ACACA: variants seen among roughly 807,000 people sequenced by gnomAD.
ACACA encodes acetyl-CoA carboxylase alpha.
In ACACA, 103 loss-of-function variants were observed where a neutral mutation model predicts 296.1. The ratio of observed to expected loss-of-function variants is 0.35; its 90% CI spans 0.30 to 0.41. The LOEUF (loss-of-function observed/expected upper bound fraction) is 0.41, where lower values mean the gene tolerates loss of function less well. Among genes scored for constraint, ACACA ranks in the 10% least tolerant of loss-of-function variants. ACACA has a pLI of 1.00. For synonymous variants in ACACA, 953 were observed against 1,038.6 expected, an observed-to-expected ratio of 0.92 and a Z score of 1.58; for missense variants, 1,554 against 2,989.7, an observed-to-expected ratio of 0.52 and a Z score of 11.20.
At chr17:37,190,992 C>G (rs771782952) in intron 38 of ACACA, 128 bp downstream of exon 38, 128 of 1,154,070 alleles carry the variant, frequency 1.1e-4, no homozygotes, top group South Asian at 3.3e-4. Flanking sequence ...ATTCTATAAA[C>G]TTTACAGATT....
chr17:37,268,816 C>T (rs147475964), intron 10 of ACACA, among the ~76,000 whole-genome samples: 2,555 of 145,188 alleles, frequency 0.018, 41 homozygotes, highest in Middle Eastern at 0.055. Flanking sequence ...TTAGTTTATT[C>T]AGCCAACTAG....
At chr17:37,394,931 T>C (rs923320258) in intron 1 of ACACA, among the ~76,000 whole-genome samples, 7 of 151,098 alleles carry the variant, frequency 4.6e-5, no homozygotes, top group African/African-American at 7.3e-5. Flanking sequence ...ATAAATAAAG[T>C]ACATTCTCAT....
chr17:37,246,831 T>C lies in ACACA; in HGVS notation c.2455A>G (p.Ile819Val), dbSNP rs571851148. The change falls in exon 19 of 56, where the codon ATT becomes GTT. Residue 819 changes from isoleucine to valine, a missense_variant. Physicochemically the swap from Ile to Val is conservative, Grantham distance 29. Transcript: ENST00000616317. ...HVFAGQCYAE[I>V]EVMKMVMTLT... ...AGTCCTTTCACCACCCTGACCTCAA[T>C]CTCAGCATAGCACTGGCCGGCAAAC... is the stretch of plus-strand genomic sequence containing the variant. The C allele has an allele frequency of 1.2e-6, 2 of 1,613,846 alleles. No homozygotes were observed. The highest frequency in any genetic ancestry group is 2.2e-5 in the South Asian group (2 of 91,080).
chr17:37,128,956 T>G (rs2074959569), intron 47 of ACACA, among the ~76,000 whole-genome samples: 1 of 152,222 alleles, frequency 6.6e-6, no homozygotes, highest in African/African-American at 2.4e-5. Context: ...CTCAAAGACG[T>G]GTGCTAAAAC....
Position 37,207,678 on chromosome 17 carries a change from C to G in ACACA, c.3830G>C (p.Arg1277Pro), listed in dbSNP as rs367668853. 1 of 1,613,784 alleles carries G rather than the reference C, an allele frequency of 6.2e-7. No homozygotes were observed. The highest frequency in any genetic ancestry group is 8.5e-7 in the Non-Finnish European group (1 of 1,179,906). ...CQRMGGMVSF[R>P]TFEDFVRIFD... ...TTACCTGACAAAATCTTCAAAAGTC[C>G]GAAAAGAGACCATTCCGCCCATCCG... Residue 1277 changes from arginine to proline, a missense_variant, in exon 31 of 56, where the codon CGG (arginine) becomes CCG (proline). Around this residue, in one of 16 missense-constraint regions of ACACA, gnomAD observed 179 missense variants for 283.2 expected, o/e 0.63. Coordinates refer to ENST00000616317, the MANE Select transcript of ACACA (RefSeq NM_198834.3).
intron 1 of ACACA, among the ~76,000 whole-genome samples, chr17:37,348,948 C>CAA (rs772944984): frequency 2.3e-4 from 13 of 56,898 alleles, no homozygotes; most frequent in East Asian, 5.6e-4. Context: ...GACTCCGTCT[C>CAA]AAAAAAAAAA....
intron 1 of ACACA, among the ~76,000 whole-genome samples, chr17:37,342,458 T>TACACAC (rs1212506277): frequency 2.0e-5 from 2 of 98,376 alleles, no homozygotes; most frequent in African/African-American, 9.6e-5. Flanking sequence ...TATATATATA[T>TACACAC]ACACACACAC....
intron 3 of ACACA, among the ~76,000 whole-genome samples, chr17:37,288,734 C>CA (rs1456838907): frequency 2.6e-5 from 4 of 151,810 alleles, no homozygotes; most frequent in East Asian, 1.9e-4. Context: ...CTCATCTATA[C>CA]AAAAAAATCA....
intron 43 of ACACA, among the ~76,000 whole-genome samples, chr17:37,155,109 C>T (rs1002492205): frequency 1.3e-5 from 2 of 152,014 alleles, no homozygotes; most frequent in Non-Finnish European, 2.9e-5. Flanking sequence ...GCTTTTAATT[C>T]CTAAAAGTTT....
At chr17:37,157,258 G>A (rs2076287033) in intron 42 of ACACA, among the ~76,000 whole-genome samples, 1 of 152,178 alleles carries the variant, frequency 6.6e-6, no homozygotes, top group Non-Finnish European at 1.5e-5. Context: ...AAGCATTCTA[G>A]GTAGAAGGAG....
rs964040129 is a variant in ACACA, at chr17:37,085,832, G to C, written c.*1484C>G. On this transcript the variant is annotated 3_prime_UTR_variant, in exon 56 of 56. Coordinates refer to ENST00000616317, the MANE Select transcript of ACACA (RefSeq NM_198834.3). ...AGGCTCAGAACTGTGGCTTGTCCAA[G>C]AACGTTCATACCACTGCTTCTCAAA... The C allele has an allele frequency of 2.5e-6, 1 of 398,978 alleles. No homozygotes were observed. The highest frequency in any genetic ancestry group is 4.4e-6 in the Non-Finnish European group (1 of 226,102). 24.7% of individuals were successfully genotyped at this position (398,978 alleles called of 1,614,324 possible).
intron 28 of ACACA, among the ~76,000 whole-genome samples, 191 bp downstream of exon 28, chr17:37,223,321 G>A (rs2079382336): frequency 6.6e-6 from 1 of 152,198 alleles, no homozygotes. Context: ...AGAAGCTGGT[G>A]ATGAGTTCAG....
intron 9 of ACACA, among the ~76,000 whole-genome samples, chr17:37,271,470 A>G (rs1369299421): frequency 6.6e-6 from 1 of 151,672 alleles, no homozygotes; most frequent in Non-Finnish European, 1.5e-5. Context: ...AGCCAAGATC[A>G]CGCCATTGCA....
At chr17:37,152,490 T>G (rs2076084875) in intron 43 of ACACA, among the ~76,000 whole-genome samples, 2 of 152,176 alleles carry the variant, frequency 1.3e-5, no homozygotes, top group Non-Finnish European at 2.9e-5. Context: ...CCATTCATAC[T>G]CCTTCATAAA....
chr17:37,277,151 C>T, intron 6 of ACACA, 37 bp from the exon 7 acceptor site: 1 of 1,574,044 alleles, frequency 6.4e-7, no homozygotes, highest in East Asian at 2.2e-5. Flanking sequence ...TCTTAAAATT[C>T]ATACAAAACC....
chr17:37,145,098 C>CA (rs1271469101), intron 45 of ACACA, among the ~76,000 whole-genome samples: 1 of 152,064 alleles, frequency 6.6e-6, no homozygotes, highest in Non-Finnish European at 1.5e-5. Flanking sequence ...TGCCACCTAA[C>CA]ACTATGTTAA....
At chr17:37,209,698 C>T (rs1231755953) in intron 30 of ACACA, among the ~76,000 whole-genome samples, 4 of 152,128 alleles carry the variant, frequency 2.6e-5, no homozygotes, top group African/African-American at 9.7e-5. Flanking sequence ...TAAATAGTTC[C>T]ACGTGTAGCT....
intron 3 of ACACA, chr17:37,299,840 G>A (rs1026840766): frequency 9.2e-6 from 9 of 980,942 alleles, no homozygotes; most frequent in Non-Finnish European, 9.7e-6. Context: ...AGAAAATAAT[G>A]GGCTCATGAA....
rs763505023 is a variant in ACACA, at chr17:37,113,300, T to C, written c.6275-35A>G. On this transcript the variant is annotated intron_variant, in intron 50 of 55. Transcript: ENST00000616317. The surrounding 1 kb of genome is among the most constrained non-coding windows in gnomAD (Gnocchi z 4.0). ...ATGAGACAAATTAGAAATCAAGAAATTTCTCTTCCTCAAAGCAGTACTTTT... is the reference window on the plus strand; with the variant it reads ...ATGAGACAAATTAGAAATCAAGAAACTTCTCTTCCTCAAAGCAGTACTTTT... The C allele has an allele frequency of 6.2e-7, 1 of 1,605,824 alleles. No individual in the cohort carries two copies. The highest frequency in any genetic ancestry group is 8.5e-7 in the Non-Finnish European group (1 of 1,173,932).
Sources: gnomAD v4.1 joint callset for allele counts (sites outside exome capture counted in the v4.1 genomes callset) on GRCh38, gnomAD v4.1.1 for gene constraint, gnomAD v4.1.1 regional missense constraint, Gnocchi (gnomAD v3.1) non-coding constraint, MANE v1.5 for transcripts, NCBI Gene and HGNC (gene_info 2026-07-23, HGNC 2026-07-21) for gene names.